Variants in ERI3 observed in about 807,000 individuals in gnomAD.
The protein encoded by ERI3 is ERI1 exoribonuclease family member 3.
Under a neutral mutation model 44.4 loss-of-function variants are expected in ERI3, and 18 were observed. That is an observed-to-expected ratio of 0.41 (90% CI 0.28 to 0.60). The LOEUF (loss-of-function observed/expected upper bound fraction) is 0.60, where lower values mean the gene tolerates loss of function less well. Among genes scored for constraint, ERI3 ranks in the 20% least tolerant of loss-of-function variants. ERI3 has a pLI of 0.36. For synonymous variants in ERI3, 183 were observed against 164.8 expected, an observed-to-expected ratio of 1.11 and a Z score of -0.84; for missense variants, 294 against 435.5, an observed-to-expected ratio of 0.68 and a Z score of 2.89.
Position 44,339,115 on chromosome 1 carries a change from G to A in ERI3, c.419C>T (p.Pro140Leu). 1 of 1,614,052 alleles carries A rather than the reference G, an allele frequency of 6.2e-7. No homozygotes were observed. The highest frequency in any genetic ancestry group is 1.1e-5 in the South Asian group (1 of 91,080). Residue 140 changes from proline (P) to leucine (L), a missense_variant, in exon 3 of 9, where the codon CCC becomes CTC. By Grantham distance (98) the Pro-to-Leu change is moderately conservative. Around this residue, in one of 2 missense-constraint regions of ERI3, gnomAD observed 187 missense variants for 338.6 expected, o/e 0.55. Transcript: ENST00000372257. Reference protein sequence around the residue: ...ASMAAMVSFPPQRYHYFLVLD... With the variant: ...ASMAAMVSFPLQRYHYFLVLD... ...CACTAAAAAGTAGTGATACCTCTGG[G>A]GAGGGAAGGACACCATTGCCGCCAT...
intron 2 of ERI3, among the ~76,000 whole-genome samples, chr1:44,347,848 T>C (rs945289114): frequency 6.6e-6 from 1 of 151,954 alleles, no homozygotes. Context: ...AAATTTCAAA[T>C]AGCATTAAAG....
chr1:44,321,044 G>T (rs910846211), intron 3 of ERI3, among the ~76,000 whole-genome samples: 1 of 152,108 alleles, frequency 6.6e-6, no homozygotes, highest in South Asian at 2.1e-4. Context: ...AACACGAAAC[G>T]GATGACACCT....
chr1:44,291,971 C>A (rs1358855263), intron 6 of ERI3, among the ~76,000 whole-genome samples: 1 of 152,172 alleles, frequency 6.6e-6, no homozygotes, highest in Non-Finnish European at 1.5e-5. Context: ...GGTCAAATGA[C>A]CATGTGTCCT....
At chr1:44,251,802 G>A (rs1241155507) in intron 7 of ERI3, among the ~76,000 whole-genome samples, 17 of 152,208 alleles carry the variant, frequency 1.1e-4, no homozygotes, top group Non-Finnish European at 2.9e-5. Flanking sequence ...GTACCTGGCA[G>A]CAACATGGCA....
chr1:44,275,307 T>G (rs948854741), intron 7 of ERI3, among the ~76,000 whole-genome samples: 1 of 151,938 alleles, frequency 6.6e-6, no homozygotes, highest in Non-Finnish European at 1.5e-5. Context: ...GCTAGCAGGG[T>G]TTTGGATCCC....
chr1:44,331,286 A>C (rs1204355503), intron 3 of ERI3, among the ~76,000 whole-genome samples: 1 of 151,926 alleles, frequency 6.6e-6, no homozygotes, highest in Non-Finnish European at 1.5e-5. Flanking sequence ...TAGCAGATCC[A>C]GATCCAAATT....
intron 3 of ERI3, among the ~76,000 whole-genome samples, chr1:44,322,383 C>CA (rs973509299): frequency 0.011 from 1,269 of 112,700 alleles, 13 homozygotes; most frequent in African/African-American, 0.031. Flanking sequence ...CGGATCCACG[C>CA]AAAAAAAAAA....
chr1:44,344,321 A>C (rs937113005), intron 2 of ERI3, among the ~76,000 whole-genome samples: 1 of 152,218 alleles, frequency 6.6e-6, no homozygotes, highest in Non-Finnish European at 1.5e-5. Context: ...TACAATTTTA[A>C]AATTAAAAAT....
In ERI3 at chr1:44,322,599, G is replaced by A. The variant is rs1646226249; in HGVS notation, c.490-2855C>T. On this transcript the variant is annotated intron_variant, in intron 3 of 8. Transcript: ENST00000372257. ...CCCTTCCTCCACAACATGAGGAGCT[G>A]TTATTAACAATGAGCCTACACACTG... 2.8e-5 allele frequency: 34 copies of A among 1,235,912 alleles called. No individual in the cohort carries two copies. In the South Asian group the frequency reaches 4.3e-4, roughly 16 times the overall value. 76.6% of individuals were successfully genotyped at this position (1,235,912 alleles called of 1,614,324 possible).
chr1:44,274,128 CCA>C (rs1357652174), intron 7 of ERI3, among the ~76,000 whole-genome samples: 10 of 152,230 alleles, frequency 6.6e-5, no homozygotes, highest in African/African-American at 1.9e-4. Flanking sequence ...CATTTCTGTC[CCA>C]CAGATTATAA....
At chr1:44,319,808 G>T in intron 3 of ERI3, 64 bp from the exon 4 acceptor site, 1 of 1,205,080 alleles carries the variant, frequency 8.3e-7, no homozygotes, top group Non-Finnish European at 1.2e-6. Context: ...TCCAACAGTA[G>T]CTCCAAGTCA....
chr1:44,268,493 T>TA (rs1390478605), intron 7 of ERI3, among the ~76,000 whole-genome samples: 5 of 151,850 alleles, frequency 3.3e-5, no homozygotes, highest in African/African-American at 1.2e-4. Flanking sequence ...ATGGGAAAAA[T>TA]AAATAAAAAC....
intron 2 of ERI3, among the ~76,000 whole-genome samples, chr1:44,343,994 T>C (rs1646735511): frequency 6.6e-6 from 1 of 152,026 alleles, no homozygotes; most frequent in Non-Finnish European, 1.5e-5. Flanking sequence ...ATCCCAGCAC[T>C]CTGGGAGGCC....
chr1:44,327,315 CTG>C (rs1408123500), intron 3 of ERI3, among the ~76,000 whole-genome samples: 3 of 152,212 alleles, frequency 2.0e-5, no homozygotes, highest in Admixed American at 6.5e-5. Context: ...CCTGATCTCT[CTG>C]TGTTTCCCAG....
intron 8 of ERI3, among the ~76,000 whole-genome samples, chr1:44,230,714 C>A (rs1004244982): frequency 6.6e-6 from 1 of 152,208 alleles, no homozygotes; most frequent in Non-Finnish European, 1.5e-5. Flanking sequence ...ATGGCCACCT[C>A]CCTCCCGAGA....
At chr1:44,229,178 A>G (rs1382809327) in intron 8 of ERI3, among the ~76,000 whole-genome samples, 4 of 152,072 alleles carry the variant, frequency 2.6e-5, no homozygotes, top group Non-Finnish European at 1.5e-5. Context: ...GCTCAAGAAC[A>G]GACATGGGGC....
intron 3 of ERI3, among the ~76,000 whole-genome samples, chr1:44,335,354 CAA>C (rs112554874): frequency 9.3e-5 from 11 of 117,684 alleles, no homozygotes; most frequent in Non-Finnish European, 1.8e-4. Context: ...GACTCTGTCT[CAA>C]AAAAAAAAAA....
intron 3 of ERI3, among the ~76,000 whole-genome samples, 168 bp downstream of exon 3, chr1:44,338,877 T>C (rs1646588992): frequency 6.6e-6 from 1 of 152,124 alleles, no homozygotes; most frequent in Non-Finnish European, 1.5e-5. Context: ...CAGGTCTACC[T>C]TACACTAGCA....
At chr1:44,344,858 A>C (rs543538271) in intron 2 of ERI3, among the ~76,000 whole-genome samples, 24 of 152,284 alleles carry the variant, frequency 1.6e-4, no homozygotes, top group African/African-American at 5.8e-4. Flanking sequence ...TTCTCTCCTC[A>C]ATATGAAGGG....
Sources: allele counts gnomAD v4.1 joint callset (sites outside exome capture counted in the v4.1 genomes callset), GRCh38; gene constraint gnomAD v4.1.1; regional missense constraint gnomAD v4.1.1; transcripts MANE v1.5; gene names NCBI Gene and HGNC (gene_info 2026-07-23, HGNC 2026-07-21).